The following MACROD2 variants were observed in gnomAD, a reference collection of about 807,000 sequenced individuals.
MACROD2 encodes mono-ADP ribosylhydrolase 2.
MACROD2 carries 36 observed loss-of-function variants against 70.4 expected under a neutral mutation model. The ratio of observed to expected loss-of-function variants is 0.51; its 90% confidence interval spans 0.39 to 0.68. MACROD2 has a LOEUF of 0.68. Among genes scored for constraint, MACROD2 ranks in the 30% least tolerant of loss-of-function variants. MACROD2 has a pLI of 0.00. For missense variants in MACROD2, 496 were observed against 538.4 expected (o/e 0.92, Z 0.78); for synonymous variants, 172 against 178.8 (o/e 0.96, Z 0.30).
At chr20:15,661,438 C>T (rs1408048800) in intron 8 of MACROD2, among the ~76,000 whole-genome samples, 1 of 152,120 alleles carries the variant, frequency 6.6e-6, no homozygotes, top group Non-Finnish European at 1.5e-5. Flanking sequence ...CCCTGACTTT[C>T]CAACAACCCA....
At chr20:15,100,507 A>G (rs911676785) in intron 5 of MACROD2, among the ~76,000 whole-genome samples, 6 of 152,196 alleles carry the variant, frequency 3.9e-5, no homozygotes, top group Non-Finnish European at 8.8e-5. Flanking sequence ...ACAGTTGAGC[A>G]CCTCAAATAG....
At chr20:14,587,063 T>C (rs1300731717) in intron 4 of MACROD2, among the ~76,000 whole-genome samples, 1 of 151,978 alleles carries the variant, frequency 6.6e-6, no homozygotes, top group Non-Finnish European at 1.5e-5. Context: ...GTTTTATTAT[T>C]CACTAACAAC....
intron 3 of MACROD2, among the ~76,000 whole-genome samples, chr20:14,475,026 C>T (rs1033924427): frequency 5.9e-5 from 9 of 151,594 alleles, no homozygotes; most frequent in Admixed American, 2.6e-4. Context: ...TTTTGTAGAT[C>T]TTTTCTTTCT....
chr20:14,766,896 G>A (rs558263818), intron 5 of MACROD2, among the ~76,000 whole-genome samples: 6 of 152,046 alleles, frequency 3.9e-5, no homozygotes, highest in Non-Finnish European at 1.5e-5. Context: ...AAACAATTCT[G>A]ATTATATCAG....
chr20:14,379,325 C>T (rs1241703337), intron 3 of MACROD2, among the ~76,000 whole-genome samples: 2 of 152,092 alleles, frequency 1.3e-5, no homozygotes, highest in African/African-American at 4.8e-5. Context: ...GCAGTTATGA[C>T]TTTTTTGTTG....
At chr20:15,707,667 G>A (rs1051858503) in intron 8 of MACROD2, among the ~76,000 whole-genome samples, 13 of 151,884 alleles carry the variant, frequency 8.6e-5, no homozygotes, top group South Asian at 2.1e-4. Flanking sequence ...CCTGTAGTCC[G>A]AGCTGTTTGG....
intron 9 of MACROD2, 27 bp downstream of exon 9, chr20:15,862,853 T>C: frequency 6.4e-7 from 1 of 1,550,454 alleles, no homozygotes. Flanking sequence ...CTTGTTTTCT[T>C]TCAAATTGAG....
At chr20:14,874,201 T>TA (rs2073522457) in intron 5 of MACROD2, among the ~76,000 whole-genome samples, 1 of 151,960 alleles carries the variant, frequency 6.6e-6, no homozygotes, top group Non-Finnish European at 1.5e-5. Context: ...GCATAATTTT[T>TA]AAAAAAATAA....
intron 15 of MACROD2, among the ~76,000 whole-genome samples, chr20:16,023,562 T>C (rs563711416): frequency 1.3e-5 from 2 of 149,508 alleles, no homozygotes; most frequent in Non-Finnish European, 3.0e-5. Context: ...GGCAGGTGGG[T>C]TACCTGGGAG....
At chr20:14,754,898 A>AT (rs2071920348) in intron 5 of MACROD2, among the ~76,000 whole-genome samples, 2 of 148,392 alleles carry the variant, frequency 1.3e-5, no homozygotes, top group East Asian at 2.0e-4. Flanking sequence ...CAAATTTTCT[A>AT]TTTTTTTGTT....
At chr20:15,956,663 C>G (rs920892233) in intron 12 of MACROD2, among the ~76,000 whole-genome samples, 1 of 152,274 alleles carries the variant, frequency 6.6e-6, no homozygotes, top group Non-Finnish European at 1.5e-5. Flanking sequence ...ACAGCAGCAG[C>G]GGTGTCATCT....
Position 15,156,702 on chromosome 20 carries a change from C to T in MACROD2, c.419-73238C>T, listed in dbSNP as rs1344307322. Among the ~76,000 whole-genome samples, 3 of 152,200 alleles carry T rather than the reference C, an allele frequency of 2.0e-5. No homozygotes were observed. The South Asian group carries it at 6.2e-4, about 32-fold the overall frequency. On this transcript the variant is annotated intron_variant, in intron 5 of 17. Transcript: ENST00000684519. ...CTTTCCAGGAGAGGGGAATAGAGTGCCTGGGGGAGAGAATGGGAAGTCAAG... is the reference window on the plus strand; with the variant it reads ...CTTTCCAGGAGAGGGGAATAGAGTGTCTGGGGGAGAGAATGGGAAGTCAAG...
intron 5 of MACROD2, among the ~76,000 whole-genome samples, chr20:15,111,029 A>G (rs559304899): frequency 5.2e-4 from 79 of 152,322 alleles, no homozygotes; most frequent in Middle Eastern, 3.4e-3. Context: ...TTTTGAGAAT[A>G]TGAAGTCACA....
chr20:15,623,714 A>ATCTATCTATCTG (rs1424189321), intron 8 of MACROD2, among the ~76,000 whole-genome samples: 1 of 151,798 alleles, frequency 6.6e-6, no homozygotes, highest in Admixed American at 6.6e-5. Flanking sequence ...CTATCTATCT[A>ATCTATCTATCTG]TCTATCGATG....
chr20:15,964,354 T>C (rs2066107818), intron 12 of MACROD2, among the ~76,000 whole-genome samples: 1 of 152,144 alleles, frequency 6.6e-6, no homozygotes, highest in Non-Finnish European at 1.5e-5. Context: ...CGGTATCTGG[T>C]GAGAACTCAC....
intron 3 of MACROD2, among the ~76,000 whole-genome samples, chr20:14,411,918 C>T (rs573502717): frequency 2.6e-5 from 4 of 152,202 alleles, no homozygotes; most frequent in Non-Finnish European, 5.9e-5. Flanking sequence ...CAGTGGAAGA[C>T]GGAATTTTCT....
chr20:15,999,761 C>T (rs2066683584), intron 15 of MACROD2, among the ~76,000 whole-genome samples: 1 of 152,124 alleles, frequency 6.6e-6, no homozygotes, highest in Non-Finnish European at 1.5e-5. Context: ...TAGTTAAGGT[C>T]TATTTTGTCT....
At chr20:15,213,507 G>T (rs2076781849) in intron 5 of MACROD2, among the ~76,000 whole-genome samples, 2 of 152,018 alleles carry the variant, frequency 1.3e-5, no homozygotes, top group Admixed American at 6.5e-5. Flanking sequence ...GTTTTTGTAG[G>T]CCTTTTCCAG....
chr20:14,380,930 A>G (rs1425046695), intron 3 of MACROD2, among the ~76,000 whole-genome samples: 1 of 152,092 alleles, frequency 6.6e-6, no homozygotes, highest in Non-Finnish European at 1.5e-5. Flanking sequence ...ACTTATCAGT[A>G]TTCAGTATTT....
Sources: gnomAD v4.1 joint callset for allele counts (sites outside exome capture counted in the v4.1 genomes callset) on GRCh38, gnomAD v4.1.1 for gene constraint, MANE v1.5 for transcripts, NCBI Gene and HGNC (gene_info 2026-07-23, HGNC 2026-07-21) for gene names.